KCND2: variants seen among roughly 807,000 people sequenced by gnomAD.
The protein encoded by KCND2 is potassium voltage-gated channel subfamily D member 2.
KCND2 carries 16 observed loss-of-function variants against 54.4 expected under a neutral mutation model. That is an observed-to-expected ratio of 0.29 (90% CI 0.20 to 0.45). KCND2 has a LOEUF of 0.45. Among genes scored for constraint, KCND2 ranks in the 20% least tolerant of loss-of-function variants. The pLI, the probability that KCND2 is intolerant of heterozygous loss-of-function variation, is 1.00. For synonymous variants in KCND2, 317 were observed against 310.7 expected (o/e 1.02, Z -0.21); for missense variants, 486 against 824.2 (o/e 0.59, Z 5.02).
At chr7:120,651,998 G>T (rs958178644) in intron 1 of KCND2, among the ~76,000 whole-genome samples, 1 of 151,946 alleles carries the variant, frequency 6.6e-6, no homozygotes, top group African/African-American at 2.4e-5. Context: ...TAATTTTATT[G>T]TAAGGCAAAC....
At chr7:120,523,878 A>C (rs916770605) in intron 1 of KCND2, among the ~76,000 whole-genome samples, 1 of 151,662 alleles carries the variant, frequency 6.6e-6, no homozygotes, top group Non-Finnish European at 1.5e-5. Flanking sequence ...ATGTTCAAGA[A>C]AAAAATTGTT....
chr7:120,351,244 G>GTATATATATATATATATATATA (rs3067025), intron 1 of KCND2, among the ~76,000 whole-genome samples: 28 of 137,340 alleles, frequency 2.0e-4, no homozygotes, highest in African/African-American at 7.1e-4. Flanking sequence ...TTATATGTGT[G>GTATATATATATATATATATATA]TATATATATA....
At chr7:120,538,964 C>T (rs556836787) in intron 1 of KCND2, among the ~76,000 whole-genome samples, 1 of 152,070 alleles carries the variant, frequency 6.6e-6, no homozygotes, top group African/African-American at 2.4e-5. Flanking sequence ...GAAAATGGTG[C>T]TCATTAGTCC....
chr7:120,427,316 C>T (rs1801722357), intron 1 of KCND2, among the ~76,000 whole-genome samples: 1 of 152,204 alleles, frequency 6.6e-6, no homozygotes, highest in African/African-American at 2.4e-5. Context: ...TGTTCAGTTA[C>T]ACCCTTTGTA....
At chr7:120,401,476 T>C (rs546093287) in intron 1 of KCND2, among the ~76,000 whole-genome samples, 45 of 152,296 alleles carry the variant, frequency 3.0e-4, no homozygotes, top group African/African-American at 9.9e-4. Flanking sequence ...ATTTATGGAC[T>C]CTGAGCCAGT....
At chr7:120,547,340 G>A (rs1792052998) in intron 1 of KCND2, among the ~76,000 whole-genome samples, 1 of 151,902 alleles carries the variant, frequency 6.6e-6, no homozygotes, top group East Asian at 1.9e-4. Context: ...CTACTCTAAT[G>A]TTAACTGAAG....
intron 1 of KCND2, among the ~76,000 whole-genome samples, chr7:120,505,879 CCT>C (rs1371575443): frequency 1.3e-5 from 2 of 151,514 alleles, no homozygotes; most frequent in African/African-American, 4.8e-5. Context: ...CATACAATCC[CCT>C]GTCTAACCTT....
chr7:120,375,693 G>A (rs564943959), intron 1 of KCND2, among the ~76,000 whole-genome samples: 8 of 151,868 alleles, frequency 5.3e-5, no homozygotes, highest in African/African-American at 1.9e-4. Context: ...CATTTGAAAA[G>A]CCAGTTAACA....
rs139474592 is a variant in KCND2 at position 120,667,342 on chromosome 7, T to C, written c.1116-65561T>C. ...GTAGATACATGTACTTACAAAGTCT[T>C]CTGTACACAGCTTCAAAGTGGTCTC... On this transcript the variant is annotated intron_variant, in intron 1 of 5. Transcript: ENST00000331113. 7.2e-5 allele frequency among the ~76,000 whole-genome samples: 11 copies of C among 152,170 alleles called. No individual in the cohort carries two copies. The East Asian group carries it at 2.1e-3, about 29-fold the overall frequency.
intron 1 of KCND2, among the ~76,000 whole-genome samples, chr7:120,724,469 T>G (rs1222630207): frequency 6.6e-6 from 1 of 152,174 alleles, no homozygotes; most frequent in Non-Finnish European, 1.5e-5. Flanking sequence ...CATACAGAAA[T>G]GGAAAGACGT....
chr7:120,353,599 G>C (rs1446846745), intron 1 of KCND2, among the ~76,000 whole-genome samples: 3 of 152,150 alleles, frequency 2.0e-5, no homozygotes, highest in South Asian at 4.1e-4. Context: ...CCAAGAATCG[G>C]TTAAGATTCT....
intron 1 of KCND2, among the ~76,000 whole-genome samples, chr7:120,515,547 A>G (rs188292752): frequency 6.9e-4 from 105 of 152,184 alleles, no homozygotes; most frequent in African/African-American, 2.4e-3. Flanking sequence ...AGAACCTACA[A>G]TCTCTGAAGA....
chr7:120,728,132 CAAAAA>C (rs571232607), intron 1 of KCND2, among the ~76,000 whole-genome samples: 1 of 46,864 alleles, frequency 2.1e-5, no homozygotes, highest in East Asian at 6.9e-4. Context: ...GATTCCGTCT[CAAAAA>C]AAAAAAAAAA....
intron 1 of KCND2, among the ~76,000 whole-genome samples, chr7:120,658,991 T>A (rs1367846158): frequency 6.6e-6 from 1 of 152,182 alleles, no homozygotes; most frequent in African/African-American, 2.4e-5. Flanking sequence ...ATAAACAAAT[T>A]TGAATCTTCC....
intron 1 of KCND2, among the ~76,000 whole-genome samples, chr7:120,373,731 A>G (rs1297137839): frequency 6.6e-6 from 1 of 151,818 alleles, no homozygotes; most frequent in Non-Finnish European, 1.5e-5. Flanking sequence ...ATGTTAATGA[A>G]ACTTGTTTGG....
At chr7:120,275,891 A>G in intron 1 of KCND2, 144 bp downstream of exon 1, 1 of 903,144 alleles carries the variant, frequency 1.1e-6, no homozygotes, top group Non-Finnish European at 1.7e-6. Flanking sequence ...GTTTGGCAAA[A>G]CTCTTTTCAT....
intron 1 of KCND2, among the ~76,000 whole-genome samples, chr7:120,574,566 G>T (rs944343355): frequency 6.6e-6 from 1 of 151,970 alleles, no homozygotes; most frequent in Non-Finnish European, 1.5e-5. Context: ...CTAGACTGGT[G>T]GTTCTCAAAC....
At chr7:120,717,737 A>G (rs2116091832) in intron 1 of KCND2, among the ~76,000 whole-genome samples, 1 of 152,108 alleles carries the variant, frequency 6.6e-6, no homozygotes. Flanking sequence ...CTGCTTGGCT[A>G]ACTTCTTTTT....
chr7:120,443,352 AAATAATAAT>A (rs139962538), intron 1 of KCND2, among the ~76,000 whole-genome samples: 9,374 of 146,564 alleles, frequency 0.064, 801 homozygotes, highest in African/African-American at 0.2. Context: ...TAACAATAAT[AAATAATAAT>A]AATAATAATA....
Sources: allele counts gnomAD v4.1 joint callset (sites outside exome capture counted in the v4.1 genomes callset), GRCh38; gene constraint gnomAD v4.1.1; transcripts MANE v1.5; gene names NCBI Gene and HGNC (gene_info 2026-07-23, HGNC 2026-07-21).